Variants in EDA observed in about 807,000 individuals in gnomAD.
EDA encodes ectodysplasin A.
In EDA, 2 loss-of-function variants were observed where a neutral mutation model predicts 23.6. That is an observed-to-expected ratio of 0.08 (90% CI 0.03 to 0.27). The LOEUF is 0.27. Ranked by LOEUF, EDA falls within the 10% of genes least tolerant of loss-of-function variation. The probability of loss-of-function intolerance (pLI) is 1.00; values close to 1 mark genes in which losing one functional copy is unlikely to be tolerated. For missense variants in EDA, 229 were observed against 324.2 expected, an observed-to-expected ratio of 0.71 and a Z score of 2.26; for synonymous variants, 131 against 132.0, an observed-to-expected ratio of 0.99 and a Z score of 0.05.
intron 6 of EDA, among the ~76,000 whole-genome samples, chrX:70,031,345 G>A (rs2020196704): frequency 1.8e-5 from 2 of 111,982 alleles, no homozygotes; most frequent in African/African-American, 3.2e-5. Context: ...TGATATGTAT[G>A]TACACTCCAC....
chrX:69,796,781 A>G (rs1208895981), intron 1 of EDA, among the ~76,000 whole-genome samples: 1 of 111,967 alleles, frequency 8.9e-6, no homozygotes, highest in Non-Finnish European at 1.9e-5. Context: ...GATTTTAAAG[A>G]AGCTGAGTGA....
intron 1 of EDA, among the ~76,000 whole-genome samples, chrX:69,740,043 C>T (rs1481748981): frequency 1.8e-5 from 2 of 111,153 alleles, no homozygotes; most frequent in Non-Finnish European, 3.8e-5. Flanking sequence ...CATTGCCTTA[C>T]TTCAGTACAG....
chrX:69,765,395 T>C (rs1257014461), intron 1 of EDA, among the ~76,000 whole-genome samples: 1 of 111,878 alleles, frequency 8.9e-6, no homozygotes, highest in Non-Finnish European at 1.9e-5. Context: ...GTTCCATTTC[T>C]CTTTGGTAAC....
chrX:69,869,311 A>C (rs749413027), intron 1 of EDA, among the ~76,000 whole-genome samples: 10 of 110,876 alleles, frequency 9.0e-5, no homozygotes, highest in African/African-American at 3.0e-4. Context: ...ATAAGCCCCT[A>C]CTTGACGTTT....
chrX:69,723,595 T>C (rs1872012579), intron 1 of EDA, among the ~76,000 whole-genome samples: 1 of 112,047 alleles, frequency 8.9e-6, no homozygotes, highest in Admixed American at 9.5e-5. Context: ...TCATTATGAG[T>C]GTATTCTAAC....
chrX:70,017,933 A>T (rs760455907), intron 2 of EDA, among the ~76,000 whole-genome samples: 19 of 112,021 alleles, frequency 1.7e-4, no homozygotes, highest in Admixed American at 8.5e-4. Context: ...AGACAATATG[A>T]TTCTATACCT....
chrX:69,806,821 G>C (rs1184171235), intron 1 of EDA, among the ~76,000 whole-genome samples: 1 of 109,941 alleles, frequency 9.1e-6, no homozygotes, highest in East Asian at 2.9e-4. Flanking sequence ...AAGGAGCATA[G>C]AGAGTTTCAA....
intron 1 of EDA, among the ~76,000 whole-genome samples, chrX:69,827,578 GATT>G (rs1197679154): frequency 9.0e-6 from 1 of 111,405 alleles, no homozygotes; most frequent in East Asian, 2.8e-4. Flanking sequence ...TCTCTGTATT[GATT>G]ATTCTAGTTA....
chrX:69,991,009 A>C (rs752605625), intron 2 of EDA, among the ~76,000 whole-genome samples: 1 of 110,441 alleles, frequency 9.1e-6, no homozygotes, highest in East Asian at 2.9e-4. Flanking sequence ...TGGTCATTTT[A>C]AATTTTAGTT....
chrX:69,638,870 A>G (rs149464896), intron 1 of EDA, among the ~76,000 whole-genome samples: 20 of 111,172 alleles, frequency 1.8e-4, no homozygotes, highest in Admixed American at 1.7e-3. Context: ...GCCACTATCT[A>G]TTTCCAGAAT....
At chrX:69,818,551 C>A (rs1448952410) in intron 1 of EDA, among the ~76,000 whole-genome samples, 1 of 111,721 alleles carries the variant, frequency 9.0e-6, no homozygotes. Flanking sequence ...ACTGACCCCA[C>A]AGAAATACAA....
intron 1 of EDA, among the ~76,000 whole-genome samples, chrX:69,836,749 A>G (rs761066960): frequency 8.9e-6 from 1 of 112,025 alleles, no homozygotes; most frequent in Non-Finnish European, 1.9e-5. Flanking sequence ...CCCACTGTCC[A>G]TCCAGTCTCA....
chrX:70,024,301 T>C (rs2020080364), intron 3 of EDA, among the ~76,000 whole-genome samples: 1 of 112,000 alleles, frequency 8.9e-6, no homozygotes, highest in Non-Finnish European at 1.9e-5. Flanking sequence ...TGAGGTATCA[T>C]AGTCCACATG....
intron 1 of EDA, among the ~76,000 whole-genome samples, chrX:69,649,571 T>C (rs994346116): frequency 3.7e-5 from 4 of 108,222 alleles, no homozygotes; most frequent in Non-Finnish European, 7.6e-5. Flanking sequence ...TGTACCCTTG[T>C]AGTATGTGAA....
chrX:69,703,799 C>G (rs1347953297), intron 1 of EDA, among the ~76,000 whole-genome samples: 1 of 111,641 alleles, frequency 9.0e-6, no homozygotes, highest in Non-Finnish European at 1.9e-5. Context: ...TATTCATTCC[C>G]TTAAGTTTCA....
At chrX:69,835,836 C>A (rs1428036757) in intron 1 of EDA, among the ~76,000 whole-genome samples, 1 of 111,957 alleles carries the variant, frequency 8.9e-6, no homozygotes, top group Non-Finnish European at 1.9e-5. Flanking sequence ...TGGTTTCTCC[C>A]CATCTTTTTG....
intron 1 of EDA, among the ~76,000 whole-genome samples, chrX:69,888,571 G>A (rs1376830328): frequency 3.7e-5 from 4 of 108,054 alleles, no homozygotes; most frequent in Non-Finnish European, 7.6e-5. Context: ...TAAACTTTGA[G>A]GAGACATATA....
intron 1 of EDA, among the ~76,000 whole-genome samples, chrX:69,800,180 T>C (rs2015647821): frequency 9.0e-6 from 1 of 111,114 alleles, no homozygotes; most frequent in Admixed American, 9.6e-5. Context: ...CACATGAAGA[T>C]AGAGTGGAAT....
chrX:69,692,837 G>A (rs758214113), intron 1 of EDA: 9 of 111,715 alleles, frequency 8.1e-5, no homozygotes, highest in Non-Finnish European at 1.1e-4. Context: ...CCCAAATCAT[G>A]TTATTGTAGG....
Sources: gnomAD v4.1 joint callset for allele counts (sites outside exome capture counted in the v4.1 genomes callset) on GRCh38, gnomAD v4.1.1 for gene constraint, MANE v1.5 for transcripts, NCBI Gene and HGNC (gene_info 2026-07-23, HGNC 2026-07-21) for gene names.